The following SDK1 variants were observed in gnomAD, a reference collection of about 807,000 sequenced individuals.
SDK1 encodes the protein sidekick cell adhesion molecule 1, also known as protein sidekick-1.
Under a neutral mutation model 245.5 loss-of-function variants are expected in SDK1, and 157 were observed. The ratio of observed to expected loss-of-function variants is 0.64; its 90% CI spans 0.56 to 0.73. The LOEUF (loss-of-function observed/expected upper bound fraction) is 0.73, where lower values mean the gene tolerates loss of function less well. SDK1 is among the 30% of genes least tolerant of loss of function. The pLI is 0.00. For missense variants in SDK1, 3,583 were observed against 3,002.3 expected (o/e 1.19, Z -4.52); for synonymous variants, 1,647 against 1,278.5 (o/e 1.29, Z -6.15).
intron 1 of SDK1, among the ~76,000 whole-genome samples, chr7:3,400,740 C>T (rs753119200): frequency 1.3e-5 from 2 of 151,986 alleles, no homozygotes; most frequent in Admixed American, 6.6e-5. Flanking sequence ...ATTCTTATGG[C>T]GTAATTAAAA....
intron 1 of SDK1, among the ~76,000 whole-genome samples, chr7:3,347,454 C>T (rs1054162550): frequency 6.6e-6 from 1 of 152,134 alleles, no homozygotes; most frequent in Non-Finnish European, 1.5e-5. Context: ...AACAAAATAA[C>T]TTTTCACCTA....
At chr7:3,625,897 A>T (rs1453359199) in intron 2 of SDK1, among the ~76,000 whole-genome samples, 4 of 151,756 alleles carry the variant, frequency 2.6e-5, no homozygotes, top group Non-Finnish European at 5.9e-5. Flanking sequence ...CAGCAGCTCA[A>T]GTAAAAGGTA....
chr7:3,515,043 A>G (rs1461278845), intron 1 of SDK1, among the ~76,000 whole-genome samples: 1 of 152,174 alleles, frequency 6.6e-6, no homozygotes, highest in African/African-American at 2.4e-5. Flanking sequence ...CTTTGGCACT[A>G]GAGTTCCCTT....
At chr7:3,509,939 A>C (rs1403270769) in intron 1 of SDK1, among the ~76,000 whole-genome samples, 1 of 152,080 alleles carries the variant, frequency 6.6e-6, no homozygotes, top group African/African-American at 2.4e-5. Context: ...TTCACCCCAG[A>C]CTCATTAAAT....
At chr7:3,732,120 T>G (rs778159265) in intron 4 of SDK1, among the ~76,000 whole-genome samples, 2 of 152,170 alleles carry the variant, frequency 1.3e-5, no homozygotes, top group South Asian at 4.1e-4. Flanking sequence ...GAAGGGTGAA[T>G]GAAGGAATAT....
chr7:3,448,421 T>G (rs1385788321), intron 1 of SDK1, among the ~76,000 whole-genome samples: 3 of 152,182 alleles, frequency 2.0e-5, no homozygotes, highest in African/African-American at 7.2e-5. Context: ...TTATTTATTT[T>G]GGAAGTTTTC....
chr7:3,572,390 G>C (rs180917258), intron 1 of SDK1, among the ~76,000 whole-genome samples: 1 of 152,122 alleles, frequency 6.6e-6, no homozygotes, highest in African/African-American at 2.4e-5. Context: ...CAGAGCAAGA[G>C]TATGGAGATC....
rs1783424252 is a variant in SDK1 at position 3,663,378 on chromosome 7, G to A, written c.713+21273G>A. Among the ~76,000 whole-genome samples, 4 of 152,290 alleles carry A rather than the reference G, an allele frequency of 2.6e-5. No homozygotes were observed. The South Asian group carries it at 8.3e-4, about 32-fold the overall frequency. On this transcript the variant is annotated intron_variant, in intron 4 of 44. Coordinates refer to ENST00000404826, the MANE Select transcript of SDK1 (RefSeq NM_152744.4). ...CACATAGTATCTGTTCCCTTCTGGT[G>A]TTTTTAACTAAATGAAATATATAGG...
intron 3 of SDK1, among the ~76,000 whole-genome samples, chr7:3,639,412 G>C (rs1279757848): frequency 3.3e-5 from 5 of 152,138 alleles, no homozygotes; most frequent in African/African-American, 1.2e-4. Flanking sequence ...CTCTTAGCTT[G>C]TACTATGTTT....
chr7:3,485,873 C>G (rs890656153), intron 1 of SDK1, among the ~76,000 whole-genome samples: 5 of 151,538 alleles, frequency 3.3e-5, no homozygotes, highest in East Asian at 1.9e-4. Context: ...AAATCTTATT[C>G]TTTGTCCCGT....
At chr7:3,746,187 A>T (rs1779612349) in intron 4 of SDK1, among the ~76,000 whole-genome samples, 1 of 152,254 alleles carries the variant, frequency 6.6e-6, no homozygotes, top group African/African-American at 2.4e-5. Context: ...AGTTATGTTT[A>T]TACTATAGTT....
chr7:3,782,410 G>T (rs1780774257), intron 4 of SDK1, among the ~76,000 whole-genome samples: 1 of 152,176 alleles, frequency 6.6e-6, no homozygotes, highest in South Asian at 2.1e-4. Flanking sequence ...GTGGATCACA[G>T]TTTACCGTGA....
At chr7:3,663,951 T>C (rs1307708924) in intron 4 of SDK1, among the ~76,000 whole-genome samples, 1 of 152,242 alleles carries the variant, frequency 6.6e-6, no homozygotes, top group African/African-American at 2.4e-5. Context: ...ACTTCCATGG[T>C]ATGCTAGGCT....
chr7:3,767,289 C>A (rs961565113), intron 4 of SDK1, among the ~76,000 whole-genome samples: 3 of 151,968 alleles, frequency 2.0e-5, no homozygotes, highest in African/African-American at 7.3e-5. Context: ...GGTGAGTTGA[C>A]CCAGGGACTA....
chr7:3,618,226 A>C (rs573168564), intron 1 of SDK1, among the ~76,000 whole-genome samples: 288 of 152,264 alleles, frequency 1.9e-3, no homozygotes, highest in African/African-American at 6.3e-3. Context: ...TTCACAAAGT[A>C]AATGTACCTT....
intron 28 of SDK1, among the ~76,000 whole-genome samples, chr7:4,143,270 G>A (rs1779705359): frequency 6.6e-6 from 1 of 152,184 alleles, no homozygotes; most frequent in Non-Finnish European, 1.5e-5. Flanking sequence ...GAGGCTGTGA[G>A]GAATGATAAC....
intron 4 of SDK1, among the ~76,000 whole-genome samples, chr7:3,736,061 A>G (rs910557392): frequency 2.6e-5 from 4 of 152,090 alleles, no homozygotes; most frequent in African/African-American, 7.2e-5. Flanking sequence ...TTGAATTGTA[A>G]GAGTTCTTTA....
intron 1 of SDK1, among the ~76,000 whole-genome samples, chr7:3,514,106 A>G (rs1782660887): frequency 6.6e-6 from 1 of 152,158 alleles, no homozygotes; most frequent in African/African-American, 2.4e-5. Context: ...AAGTAAGGAA[A>G]GAAGAGAGGG....
chr7:3,459,106 C>T (rs1780757406), intron 1 of SDK1, among the ~76,000 whole-genome samples: 2 of 152,144 alleles, frequency 1.3e-5, no homozygotes, highest in African/African-American at 2.4e-5. Flanking sequence ...CAATTGACAT[C>T]ATTATAGTAT....
Sources: gnomAD v4.1 joint callset for allele counts (sites outside exome capture counted in the v4.1 genomes callset) on GRCh38, gnomAD v4.1.1 for gene constraint, MANE v1.5 for transcripts, NCBI Gene and HGNC (gene_info 2026-07-23, HGNC 2026-07-21) for gene names.